Variants in KIFAP3 observed in about 807,000 individuals in gnomAD.
KIFAP3 encodes kinesin associated protein 3, also known as kinesin-associated protein 3.
A neutral mutation model predicts 106.5 loss-of-function variants in KIFAP3; 68 were observed. The observed-to-expected ratio is 0.64, with a 90% CI of 0.53 to 0.78. KIFAP3 has a LOEUF of 0.78. Among genes scored for constraint, KIFAP3 ranks in the 30% least tolerant of loss-of-function variants. KIFAP3 has a pLI of 0.00. For synonymous variants in KIFAP3, 320 were observed against 311.5 expected, an observed-to-expected ratio of 1.03 and a Z score of -0.29; for missense variants, 780 against 941.8, an observed-to-expected ratio of 0.83 and a Z score of 2.25.
At chr1:170,081,095 C>T (rs1484855251) in intron 1 of KIFAP3, among the ~76,000 whole-genome samples, 1 of 151,930 alleles carries the variant, frequency 6.6e-6, no homozygotes, top group African/African-American at 2.4e-5. Context: ...TGAAAGACAC[C>T]ATTAAGAAAT....
upstream of KIFAP3, among the ~76,000 whole-genome samples, chr1:170,079,734 T>C (rs115075479): frequency 2.9e-3 from 434 of 152,198 alleles, no homozygotes; most frequent in African/African-American, 0.01. Flanking sequence ...TCAAGATCAT[T>C]TTGGCTTTTT....
Position 170,035,524 on chromosome 1 carries a change from G to A in KIFAP3, c.547C>T (p.Leu183=). 6.2e-7 allele frequency: 1 copy of A among 1,609,048 alleles called. No individual in the cohort carries two copies. Among genetic ancestry groups the A allele is most frequent in the Non-Finnish European group, 8.5e-7 (1 of 1,177,450 alleles). The change falls in exon 6 of 20, where the codon CTG becomes TTG. Residue 183 remains leucine, a synonymous_variant. Coordinates refer to ENST00000361580, the MANE Select transcript of KIFAP3 (RefSeq NM_014970.4). ...ACACTTTGCTTCCAGTCTTCTCTCA[G>A]GACCCTTGCTAATGCACCAAGGGCA... ...ETALGALARV[L]REDWKQSVEL... is the part of the protein sequence containing the mutation.
rs746869881 is a variant in KIFAP3 at position 169,961,273 on chromosome 1, T to G, written c.1984-38A>C. ...AACAGTCAACTGTTATTATATAAGC[T>G]AACTCACTTGGCACTCAGACGGCAA... On this transcript the variant is annotated intron_variant, in intron 17 of 19. Transcript: ENST00000361580. 2.6e-6 allele frequency: 4 copies of G among 1,531,846 alleles called. No homozygotes were observed. The East Asian group carries it at 9.0e-5, about 35-fold the overall frequency. 94.9% of individuals were successfully genotyped at this position (1,531,846 alleles called of 1,614,324 possible). A position where few individuals can be genotyped will look rare whatever the true frequency, so the allele number is the denominator to read the frequency against.
intron 1 of KIFAP3, among the ~76,000 whole-genome samples, chr1:170,069,843 A>AG (rs397765831): frequency 2.0e-5 from 3 of 151,464 alleles, no homozygotes; most frequent in Non-Finnish European, 4.4e-5. Flanking sequence ...GGAAAAAAAA[A>AG]TAAAAAGGCA....
At position 170,058,324 on chromosome 1, in the gene KIFAP3, G is replaced by A. The variant is rs369337891; in HGVS notation, c.33-2888C>T. On this transcript the variant is annotated intron_variant, in intron 1 of 19. Transcript: ENST00000361580. The stretch of plus-strand genomic sequence containing the variant: ...TCAAATAATAAAATAAAAAACAGTT[G>A]TAGATTTACGCCATAGAGCAAATAA... Among the ~76,000 whole-genome samples the A allele has an allele frequency of 3.3e-5, 5 of 152,272 alleles. No individual in the cohort carries two copies. The East Asian group carries it at 5.8e-4, about 18-fold the overall frequency.
rs1433205899 is a variant in KIFAP3 at position 169,967,639 on chromosome 1, A to G, written c.1983+4874T>C. On this transcript the variant is annotated intron_variant, in intron 17 of 19. Coordinates refer to ENST00000361580, the MANE Select transcript of KIFAP3 (RefSeq NM_014970.4). ...AGATTCTTCATTTGTAAAATGAAAC[A>G]AAACTAAGACTTACTTAAGCTCTAA... 2.0e-5 allele frequency among the ~76,000 whole-genome samples: 3 copies of G among 151,866 alleles called. No homozygotes were observed. In the East Asian group the frequency reaches 5.8e-4, roughly 29 times the overall value.
At chr1:170,032,218 C>A in intron 7 of KIFAP3, 2 of 381,320 alleles carry the variant, frequency 5.2e-6, no homozygotes, top group Non-Finnish European at 9.6e-6. Context: ...TTTATGTAGC[C>A]CACAGCTAAC....
intron 17 of KIFAP3, among the ~76,000 whole-genome samples, chr1:169,966,783 T>C (rs556679996): frequency 1.3e-5 from 2 of 151,932 alleles, no homozygotes; most frequent in South Asian, 2.1e-4. Context: ...TATTGAGATA[T>C]TGGACTTGTG....
chr1:169,933,769 A>C (rs1663628889), intron 19 of KIFAP3, among the ~76,000 whole-genome samples: 1 of 152,126 alleles, frequency 6.6e-6, no homozygotes, highest in Non-Finnish European at 1.5e-5. Context: ...AATTAAGTTT[A>C]TGAAATTCAC....
At chr1:169,970,257 C>T (rs1665840623) in intron 17 of KIFAP3, among the ~76,000 whole-genome samples, 2 of 152,018 alleles carry the variant, frequency 1.3e-5, no homozygotes, top group African/African-American at 4.8e-5. Context: ...CTACAAGTAA[C>T]GTAGTCACAC....
At chr1:170,004,195 T>G (rs61825322) in intron 10 of KIFAP3, among the ~76,000 whole-genome samples, 7 of 149,962 alleles carry the variant, frequency 4.7e-5, no homozygotes, top group African/African-American at 1.5e-4. Flanking sequence ...CACTGCTCAG[T>G]GAAATAAAAG....
intron 18 of KIFAP3, among the ~76,000 whole-genome samples, chr1:169,960,115 A>G (rs1026310588): frequency 6.6e-5 from 10 of 152,160 alleles, no homozygotes; most frequent in East Asian, 1.9e-4. Context: ...ATGTGAGTAC[A>G]GTGATCAGAT....
chr1:170,046,845 A>T lies in KIFAP3; in HGVS notation c.186T>A (p.Asn62Lys). The T allele has an allele frequency of 6.2e-7, 1 of 1,606,444 alleles. No homozygotes were observed. The highest frequency in any genetic ancestry group is 1.1e-5 in the South Asian group (1 of 89,420). Reference sequence around the variant, plus strand: ...CCAGGGAAGTTATATCTGTGTTGGCATTGAGACTCTTAAGTCGAATGCTGT... The same window carrying T: ...CCAGGGAAGTTATATCTGTGTTGGCTTTGAGACTCTTAAGTCGAATGCTGT... ...CQKIIRLKSL[N>K]ANTDITSLAR... Residue 62 changes from asparagine (N) to lysine (K), a missense_variant, in exon 3 of 20, where the codon AAT (asparagine) becomes AAA (lysine). Asn to Lys is a moderately conservative substitution (Grantham distance 94). Coordinates refer to ENST00000361580, the MANE Select transcript of KIFAP3 (RefSeq NM_014970.4).
At chr1:170,046,414 T>A (rs894307979) in intron 3 of KIFAP3, among the ~76,000 whole-genome samples, 24 of 152,180 alleles carry the variant, frequency 1.6e-4, no homozygotes, top group African/African-American at 5.3e-4. Context: ...TCTCCTTTGA[T>A]TATTCTAGAA....
At chr1:169,958,795 A>G (rs945111637) in intron 18 of KIFAP3, among the ~76,000 whole-genome samples, 2 of 152,216 alleles carry the variant, frequency 1.3e-5, no homozygotes, top group African/African-American at 4.8e-5. Context: ...GTACTAAAGC[A>G]AACAGCTTCA....
At chr1:170,028,052 G>A (rs1482197569) in intron 8 of KIFAP3, among the ~76,000 whole-genome samples, 1 of 151,994 alleles carries the variant, frequency 6.6e-6, no homozygotes, top group Non-Finnish European at 1.5e-5. Context: ...TAAACCCAGT[G>A]AAAATATTTC....
In KIFAP3 at chr1:170,079,971, G is replaced by T. The variant is rs1381627434; in HGVS notation, n.174+5064C>A. Among the ~76,000 whole-genome samples, 3 of 151,464 alleles carry T rather than the reference G, an allele frequency of 2.0e-5. No individual in the cohort carries two copies. In the East Asian group the frequency reaches 5.8e-4, roughly 29 times the overall value. Reference sequence around the variant, plus strand: ...ATCCCTACGTATTTATTGTTTTCAGGTGATATTATCAGTGGTGTTTGAAAA... The same window carrying T: ...ATCCCTACGTATTTATTGTTTTCAGTTGATATTATCAGTGGTGTTTGAAAA... On this transcript the variant is annotated intron_variant and non_coding_transcript_variant, in intron 1 of 5. Transcript: ENST00000490550.
intron 10 of KIFAP3, among the ~76,000 whole-genome samples, chr1:169,995,520 T>C (rs1341653472): frequency 6.6e-6 from 1 of 152,076 alleles, no homozygotes; most frequent in East Asian, 1.9e-4. Flanking sequence ...ATGGATTCAC[T>C]GAAAAGTAGG....
At chr1:169,924,302 C>G (rs1477294140) in intron 19 of KIFAP3, among the ~76,000 whole-genome samples, 1 of 152,104 alleles carries the variant, frequency 6.6e-6, no homozygotes, top group Non-Finnish European at 1.5e-5. Flanking sequence ...TTTATGTAGT[C>G]AGCAGTTCAC....
Sources: gnomAD v4.1 joint callset for allele counts (sites outside exome capture counted in the v4.1 genomes callset) on GRCh38, gnomAD v4.1.1 for gene constraint, MANE v1.5 for transcripts, NCBI Gene and HGNC (gene_info 2026-07-23, HGNC 2026-07-21) for gene names.